Variants in DYRK1A observed in about 807,000 individuals in gnomAD.
DYRK1A encodes the protein dual specificity tyrosine-phosphorylation-regulated kinase 1A.
In DYRK1A, 9 loss-of-function variants were observed where a neutral mutation model predicts 79.7. That is an observed-to-expected ratio of 0.11 (90% CI 0.07 to 0.20). The LOEUF is 0.20. Among genes scored for constraint, DYRK1A ranks in the 10% least tolerant of loss-of-function variants. The pLI, the probability that DYRK1A is intolerant of heterozygous loss-of-function variation, is 1.00. For synonymous variants in DYRK1A, 349 were observed against 329.7 expected (o/e 1.06, Z -0.63); for missense variants, 622 against 956.0 (o/e 0.65, Z 4.61).
At chr21:37,465,666 G>C (rs1351352796) in intron 2 of DYRK1A, among the ~76,000 whole-genome samples, 2 of 152,016 alleles carry the variant, frequency 1.3e-5, no homozygotes, top group African/African-American at 2.4e-5. Flanking sequence ...GTGAAACTCT[G>C]TCTCTACTAA....
At chr21:37,374,585 C>T (rs565909600) in intron 1 of DYRK1A, among the ~76,000 whole-genome samples, 2 of 151,924 alleles carry the variant, frequency 1.3e-5, no homozygotes, top group South Asian at 2.1e-4. Context: ...CAGAGTCTCG[C>T]TCTGTCGCCC....
At chr21:37,455,032 T>C (rs1027327524) in intron 2 of DYRK1A, among the ~76,000 whole-genome samples, 3 of 151,254 alleles carry the variant, frequency 2.0e-5, no homozygotes, top group Non-Finnish European at 4.4e-5. Context: ...TTTTTTTTTT[T>C]TTTTTTCGTG....
chr21:37,471,114 T>C (rs1162166037), intron 2 of DYRK1A, among the ~76,000 whole-genome samples: 2 of 152,222 alleles, frequency 1.3e-5, no homozygotes, highest in African/African-American at 4.8e-5. Flanking sequence ...AAGGTCACTT[T>C]AGCCATGTTA....
chr21:37,411,260 G>A (rs191650345), intron 1 of DYRK1A, among the ~76,000 whole-genome samples: 1 of 151,812 alleles, frequency 6.6e-6, no homozygotes, highest in Middle Eastern at 3.2e-3. Flanking sequence ...GGCGGCTGAG[G>A]CAGGAGAAAT....
intron 11 of DYRK1A, among the ~76,000 whole-genome samples, chr21:37,509,913 A>T (rs1237494135): frequency 6.6e-6 from 1 of 152,250 alleles, no homozygotes; most frequent in Non-Finnish European, 1.5e-5. Flanking sequence ...AAATTCTGTT[A>T]TGAGTAGCAC....
intron 2 of DYRK1A, among the ~76,000 whole-genome samples, chr21:37,442,968 C>A (rs2051153125): frequency 6.6e-6 from 1 of 152,056 alleles, no homozygotes. Context: ...TTCTGAGTAG[C>A]TGGGACCTAC....
Position 37,466,006 on chromosome 21 carries a change from G to A in DYRK1A, c.11-6678G>A, listed in dbSNP as rs113605412. On this transcript the variant is annotated intron_variant, in intron 2 of 11. Coordinates refer to ENST00000647188, the MANE Select transcript of DYRK1A (RefSeq NM_001347721.2). ...CAGTGCTGATGCAGCCCCTCAGTAA[G>A]TGCTTGTTGAATTTAATGCATATAA... Among the ~76,000 whole-genome samples, 654 of 152,324 alleles carry A rather than the reference G, an allele frequency of 4.3e-3. 4 individuals are homozygous for A. The highest frequency in any genetic ancestry group is 6.0e-3 in the Non-Finnish European group (410 of 68,030).
chr21:37,405,198 G>T (rs1415931427), intron 1 of DYRK1A, among the ~76,000 whole-genome samples: 1 of 152,052 alleles, frequency 6.6e-6, no homozygotes, highest in Non-Finnish European at 1.5e-5. Context: ...GTTGAACCCC[G>T]CTTCCCACCT....
At chr21:37,498,041 A>G (rs2053326833) in intron 9 of DYRK1A, among the ~76,000 whole-genome samples, 1 of 152,230 alleles carries the variant, frequency 6.6e-6, no homozygotes, top group South Asian at 2.1e-4. Context: ...GACTAGAGAT[A>G]CAAATAGATG....
Position 37,496,275 on chromosome 21 carries a change from T to G in DYRK1A, c.1212+17T>G, listed in dbSNP as rs1406100625. ...GGAAAACGGGTAAAATAAGGATATA[T>G]CTGTTTTGAGCCTTTATTAAATTTC... is the stretch of plus-strand genomic sequence containing the variant. On this transcript the variant is annotated intron_variant, in intron 9 of 11. Transcript: ENST00000647188. 1 of 1,602,806 alleles carries G rather than the reference T, an allele frequency of 6.2e-7. No individual in the cohort carries two copies. The highest frequency in any genetic ancestry group is 1.8e-5 in the Admixed American group (1 of 57,060).
At chr21:37,506,049 A>G (rs1267867172) in intron 10 of DYRK1A, 50 bp from the exon 11 acceptor site, 1 of 1,572,362 alleles carries the variant, frequency 6.4e-7, no homozygotes, top group Non-Finnish European at 8.6e-7. Context: ...AATTTGAACA[A>G]AATGAATTTT....
intron 2 of DYRK1A, among the ~76,000 whole-genome samples, chr21:37,465,104 A>G (rs2051980387): frequency 1.3e-5 from 2 of 152,208 alleles, no homozygotes; most frequent in South Asian, 4.1e-4. Flanking sequence ...TTTATATACC[A>G]TGTTTACCAG....
chr21:37,375,887 C>G (rs2049528982), intron 1 of DYRK1A, among the ~76,000 whole-genome samples: 1 of 151,980 alleles, frequency 6.6e-6, no homozygotes, highest in African/African-American at 2.4e-5. Flanking sequence ...AGCCTGAAAA[C>G]CCATAGCCCT....
At chr21:37,497,923 T>C (rs1400945831) in intron 9 of DYRK1A, among the ~76,000 whole-genome samples, 1 of 152,174 alleles carries the variant, frequency 6.6e-6, no homozygotes, top group Non-Finnish European at 1.5e-5. Flanking sequence ...AGCAACTTAA[T>C]TTTTAAAAAT....
intron 2 of DYRK1A, among the ~76,000 whole-genome samples, chr21:37,444,524 A>G (rs986841093): frequency 1.3e-5 from 2 of 152,200 alleles, no homozygotes; most frequent in Non-Finnish European, 2.9e-5. Context: ...CTCTGTCCCC[A>G]TGGACCTTAC....
chr21:37,371,766 A>G (rs2049435023), intron 1 of DYRK1A, among the ~76,000 whole-genome samples: 1 of 152,016 alleles, frequency 6.6e-6, no homozygotes. Context: ...CCCATGTTAG[A>G]AAAGTTTGTT....
At chr21:37,447,042 A>G (rs113834929) in intron 2 of DYRK1A, among the ~76,000 whole-genome samples, 2 of 152,310 alleles carry the variant, frequency 1.3e-5, no homozygotes, top group African/African-American at 4.8e-5. Flanking sequence ...GAGGGCACTT[A>G]ACATCTGATT....
intron 2 of DYRK1A, among the ~76,000 whole-genome samples, chr21:37,464,957 G>A (rs1210373624): frequency 1.3e-5 from 2 of 152,148 alleles, no homozygotes; most frequent in Non-Finnish European, 2.9e-5. Context: ...TCTTATCATA[G>A]GAAAGGAATG....
chr21:37,460,315 A>C (rs1164336736), intron 2 of DYRK1A, among the ~76,000 whole-genome samples: 1 of 152,162 alleles, frequency 6.6e-6, no homozygotes, highest in Non-Finnish European at 1.5e-5. Flanking sequence ...TTGTATTATT[A>C]AGTCAGGCAG....
Sources: allele counts gnomAD v4.1 joint callset (sites outside exome capture counted in the v4.1 genomes callset), GRCh38; gene constraint gnomAD v4.1.1; transcripts MANE v1.5; gene names NCBI Gene and HGNC (gene_info 2026-07-23, HGNC 2026-07-21).